Variants in ZBTB20 observed in about 807,000 individuals in gnomAD.
The protein encoded by ZBTB20 is zinc finger and BTB domain containing 20.
ZBTB20 carries 9 observed loss-of-function variants against 56.9 expected under a neutral mutation model. That is an observed-to-expected ratio of 0.16 (90% CI 0.10 to 0.28). The LOEUF (loss-of-function observed/expected upper bound fraction) is 0.28, where lower values mean the gene tolerates loss of function less well. Ranked by LOEUF, ZBTB20 falls within the 10% of genes least tolerant of loss-of-function variation. ZBTB20 has a pLI of 1.00. For synonymous variants in ZBTB20, 417 were observed against 420.7 expected (o/e 0.99, Z 0.11); for missense variants, 655 against 1,003.0 (o/e 0.65, Z 4.69).
At chr3:114,998,098 A>G (rs2079098660) in intron 2 of ZBTB20, among the ~76,000 whole-genome samples, 1 of 151,768 alleles carries the variant, frequency 6.6e-6, no homozygotes, top group Non-Finnish European at 1.5e-5. Context: ...TGAAGTGATT[A>G]TATACACACA....
intron 2 of ZBTB20, among the ~76,000 whole-genome samples, chr3:115,020,619 A>T (rs1472224207): frequency 6.6e-6 from 1 of 151,050 alleles, no homozygotes; most frequent in African/African-American, 2.4e-5. Context: ...ATGATAAAAG[A>T]TAAAATCTAG....
chr3:115,077,124 C>T (rs981473136), intron 1 of ZBTB20, among the ~76,000 whole-genome samples: 3 of 152,004 alleles, frequency 2.0e-5, no homozygotes, highest in African/African-American at 7.3e-5. Context: ...GGGTGAATTC[C>T]CTGATATATC....
chr3:115,064,622 T>A (rs964271344), intron 2 of ZBTB20, among the ~76,000 whole-genome samples: 5 of 151,988 alleles, frequency 3.3e-5, no homozygotes, highest in African/African-American at 1.2e-4. Context: ...CAGCTAGTTT[T>A]AAATTTTTTA....
intron 4 of ZBTB20, among the ~76,000 whole-genome samples, chr3:114,892,760 A>C (rs1004166699): frequency 6.6e-6 from 1 of 152,152 alleles, no homozygotes; most frequent in Non-Finnish European, 1.5e-5. Context: ...ACATCAAACT[A>C]GTTGAAGAGA....
At chr3:114,416,931 A>G (rs1220283607) in intron 7 of ZBTB20, among the ~76,000 whole-genome samples, 2 of 152,110 alleles carry the variant, frequency 1.3e-5, no homozygotes, top group African/African-American at 4.8e-5. Flanking sequence ...ACACCATTTT[A>G]ATACCTTTGG....
At chr3:114,889,036 TTAAA>T (rs2076710037) in intron 4 of ZBTB20, among the ~76,000 whole-genome samples, 1 of 152,030 alleles carries the variant, frequency 6.6e-6, no homozygotes, top group Non-Finnish European at 1.5e-5. Flanking sequence ...TGTAAAAAGT[TTAAA>T]TACTTTTAAA....
intron 5 of ZBTB20, among the ~76,000 whole-genome samples, chr3:114,785,526 T>G (rs1444129611): frequency 5.3e-5 from 8 of 152,112 alleles, no homozygotes; most frequent in African/African-American, 1.9e-4. Context: ...AGAGGGAAGT[T>G]TTTTCACTTC....
chr3:114,423,699 T>C (rs189991396), intron 7 of ZBTB20, among the ~76,000 whole-genome samples: 138 of 152,306 alleles, frequency 9.1e-4, no homozygotes, highest in African/African-American at 3.2e-3. Flanking sequence ...TAAATCCTCA[T>C]ATGAAATACT....
At chr3:114,513,097 T>C (rs1404534071) in intron 6 of ZBTB20, among the ~76,000 whole-genome samples, 6 of 152,218 alleles carry the variant, frequency 3.9e-5, no homozygotes, top group Admixed American at 3.9e-4. Flanking sequence ...CCTCAATTTG[T>C]TAAACTTGTT....
chr3:115,084,486 T>G (rs185008599), intron 1 of ZBTB20, among the ~76,000 whole-genome samples: 22 of 152,014 alleles, frequency 1.4e-4, no homozygotes, highest in Admixed American at 8.5e-4. Context: ...AATTAAAGTA[T>G]TAACAACAAT....
chr3:114,861,719 ACCC>A (rs34295253), intron 4 of ZBTB20: 4 of 17,704 alleles, frequency 2.3e-4, no homozygotes, highest in African/African-American at 2.6e-4. Context: ...ACACACACAC[ACCC>A]CCCAAAAACG....
At chr3:114,665,613 T>C (rs981042510) in intron 6 of ZBTB20, among the ~76,000 whole-genome samples, 1 of 152,070 alleles carries the variant, frequency 6.6e-6, no homozygotes, top group Non-Finnish European at 1.5e-5. Context: ...TCTGCAATTA[T>C]GTGAAACTAT....
At chr3:114,872,780 A>G (rs1279451017) in intron 4 of ZBTB20, among the ~76,000 whole-genome samples, 1 of 152,120 alleles carries the variant, frequency 6.6e-6, no homozygotes, top group African/African-American at 2.4e-5. Flanking sequence ...CAAAATTCAA[A>G]CTGTGGAATA....
At chr3:114,576,328 T>G (rs1482209184) in intron 6 of ZBTB20, among the ~76,000 whole-genome samples, 1 of 150,402 alleles carries the variant, frequency 6.6e-6, no homozygotes, top group African/African-American at 2.4e-5. Flanking sequence ...TGAAACCCCG[T>G]CTCTACTAAA....
intron 6 of ZBTB20, among the ~76,000 whole-genome samples, chr3:114,641,573 T>C (rs1379076906): frequency 1.3e-5 from 2 of 151,818 alleles, no homozygotes; most frequent in Non-Finnish European, 2.9e-5. Context: ...GAAAGACTAG[T>C]TTGTAAGGCA....
rs2080137060 is a variant in ZBTB20, at chr3:115,019,959, T to G, written c.-506-45543A>C. On this transcript the variant is annotated intron_variant, in intron 2 of 11. Transcript: ENST00000675478. ...CCACAAAAATAAGAACAACAAAAATTCAGGAGATAAATGCAGAACAGTCCA... is the reference window on the plus strand; with the variant it reads ...CCACAAAAATAAGAACAACAAAAATGCAGGAGATAAATGCAGAACAGTCCA... Among the ~76,000 whole-genome samples the G allele has an allele frequency of 4.0e-5, 6 of 151,010 alleles. No homozygotes were observed. In the Admixed American group the frequency reaches 4.0e-4, roughly 10 times the overall value.
chr3:114,482,055 A>G (rs985358352), intron 7 of ZBTB20, among the ~76,000 whole-genome samples: 1 of 152,286 alleles, frequency 6.6e-6, no homozygotes, highest in African/African-American at 2.4e-5. Flanking sequence ...CACATCCACA[A>G]TGTGGGAGCA....
At chr3:114,448,375 G>A (rs1488313452) in intron 7 of ZBTB20, among the ~76,000 whole-genome samples, 1 of 152,020 alleles carries the variant, frequency 6.6e-6, no homozygotes, top group South Asian at 2.1e-4. Context: ...TCCTGGTTCT[G>A]TGATCAGAAA....
At chr3:114,417,814 T>A (rs1035137867) in intron 7 of ZBTB20, among the ~76,000 whole-genome samples, 4 of 152,052 alleles carry the variant, frequency 2.6e-5, no homozygotes, top group African/African-American at 9.7e-5. Context: ...CTTTCTTGGC[T>A]TGGATTTCTT....
Sources: allele counts gnomAD v4.1 joint callset (sites outside exome capture counted in the v4.1 genomes callset), GRCh38; gene constraint gnomAD v4.1.1; transcripts MANE v1.5; gene names NCBI Gene and HGNC (gene_info 2026-07-23, HGNC 2026-07-21).